RHBDD1: variants seen among roughly 807,000 people sequenced by gnomAD.
RHBDD1 encodes the protein rhomboid-related protein 4.
A neutral mutation model predicts 36.3 loss-of-function variants in RHBDD1; 38 were observed. The ratio of observed to expected loss-of-function variants is 1.05; its 90% CI spans 0.81 to 1.37. The LOEUF is 1.37. RHBDD1 is among the 40% of genes most tolerant of loss of function. RHBDD1 has a pLI of 0.00. For synonymous variants in RHBDD1, 151 were observed against 136.5 expected, an observed-to-expected ratio of 1.11 and a Z score of -0.74; for missense variants, 393 against 377.6, an observed-to-expected ratio of 1.04 and a Z score of -0.34.
intron 8 of RHBDD1, among the ~76,000 whole-genome samples, chr2:226,934,394 T>C (rs1437555720): frequency 6.6e-6 from 1 of 152,096 alleles, no homozygotes; most frequent in African/African-American, 2.4e-5. Context: ...TTTCAGAACA[T>C]ATCCCTGTGG....
intron 3 of RHBDD1, among the ~76,000 whole-genome samples, chr2:226,858,234 A>G (rs1243118160): frequency 1.3e-5 from 2 of 152,224 alleles, no homozygotes; most frequent in Non-Finnish European, 2.9e-5. Flanking sequence ...AATGAAACTT[A>G]CCAAAGGCAT....
intron 8 of RHBDD1, among the ~76,000 whole-genome samples, chr2:226,957,924 G>C (rs1399770006): frequency 6.6e-6 from 1 of 151,930 alleles, no homozygotes; most frequent in East Asian, 1.9e-4. Context: ...AGAGAAATTA[G>C]AACCCTCACC....
At chr2:226,851,921 T>A (rs946067376) in intron 3 of RHBDD1, among the ~76,000 whole-genome samples, 11 of 152,178 alleles carry the variant, frequency 7.2e-5, no homozygotes, top group African/African-American at 2.7e-4. Flanking sequence ...TGCGGTGGTG[T>A]TGGTGGCTTT....
At chr2:226,824,503 T>G in the RHBDD1 span, among the ~76,000 whole-genome samples, 36,821 of 151,984 alleles carry the variant, frequency 0.24, 8,399 homozygotes, top group African/African-American at 0.61. Context: ...GTTAAGTCAG[T>G]TGTGTTACAT....
rs1033287848 is a variant in RHBDD1 at position 226,960,206 on chromosome 2, C to T, written c.857-35225C>T. On this transcript the variant is annotated intron_variant, in intron 8 of 8. Transcript: ENST00000392062. ...TTCTCTCCACCAGTGTTTGAGAGTT[C>T]GAGGTCCTCCCTATCCTCCCCAACA... Among the ~76,000 whole-genome samples the T allele has an allele frequency of 9.2e-5, 14 of 152,180 alleles. No homozygotes were observed. In the East Asian group the frequency reaches 1.2e-3, roughly 13 times the overall value.
intron 3 of RHBDD1, among the ~76,000 whole-genome samples, chr2:226,858,698 C>T (rs1408495932): frequency 2.6e-5 from 4 of 152,060 alleles, no homozygotes; most frequent in Non-Finnish European, 5.9e-5. Context: ...CATTGGTTTC[C>T]CAAGTTATGA....
the RHBDD1 span, among the ~76,000 whole-genome samples, chr2:226,800,814 CAG>C: frequency 6.6e-6 from 1 of 152,192 alleles, no homozygotes; most frequent in Non-Finnish European, 1.5e-5. Flanking sequence ...ACAAGGATAA[CAG>C]GGAGAAAACA....
chr2:226,983,474 G>A (rs973903220), intron 8 of RHBDD1, among the ~76,000 whole-genome samples: 9 of 152,074 alleles, frequency 5.9e-5, no homozygotes, highest in Non-Finnish European at 1.0e-4. Flanking sequence ...CTTTTCCCAG[G>A]CCCAACAGCC....
intron 7 of RHBDD1, among the ~76,000 whole-genome samples, chr2:226,911,000 A>G (rs115412365): frequency 0.021 from 3,221 of 152,282 alleles, 49 homozygotes; most frequent in Middle Eastern, 0.088. Flanking sequence ...ATTTGTTTTT[A>G]TAATATTCAG....
intron 8 of RHBDD1, among the ~76,000 whole-genome samples, chr2:226,953,590 T>G (rs1951576323): frequency 6.6e-6 from 1 of 152,164 alleles, no homozygotes; most frequent in African/African-American, 2.4e-5. Flanking sequence ...CCTTATCACC[T>G]AAGTTTGTTT....
intron 8 of RHBDD1, among the ~76,000 whole-genome samples, chr2:226,926,871 T>A (rs555313472): frequency 6.6e-6 from 1 of 152,348 alleles, no homozygotes; most frequent in South Asian, 2.1e-4. Context: ...TTTACAAGGC[T>A]AAATATTAGT....
chr2:226,807,282 G>T, the RHBDD1 span, among the ~76,000 whole-genome samples: 1 of 152,024 alleles, frequency 6.6e-6, no homozygotes, highest in African/African-American at 2.4e-5. Flanking sequence ...TTGTAAATTT[G>T]TATTTTATTT....
At chr2:226,828,585 T>A in the RHBDD1 span, among the ~76,000 whole-genome samples, 1 of 152,200 alleles carries the variant, frequency 6.6e-6, no homozygotes, top group Non-Finnish European at 1.5e-5. Flanking sequence ...TAATTCCATC[T>A]TTTTTATTAT....
intron 5 of RHBDD1, among the ~76,000 whole-genome samples, chr2:226,886,276 T>C (rs906950983): frequency 1.3e-5 from 2 of 152,172 alleles, no homozygotes; most frequent in Admixed American, 6.5e-5. Flanking sequence ...TCAATAAATA[T>C]TTGTTGAATG....
intron 5 of RHBDD1, among the ~76,000 whole-genome samples, chr2:226,881,657 G>A (rs907691278): frequency 5.9e-5 from 9 of 152,130 alleles, no homozygotes; most frequent in South Asian, 2.1e-4. Context: ...ACACACTGTC[G>A]CTGACTTTCT....
chr2:226,849,228 C>T (rs936338169), intron 3 of RHBDD1, among the ~76,000 whole-genome samples: 2 of 152,210 alleles, frequency 1.3e-5, no homozygotes, highest in Admixed American at 1.3e-4. Flanking sequence ...TAAAGCCAGT[C>T]AGTAGGACCA....
intron 8 of RHBDD1, among the ~76,000 whole-genome samples, chr2:226,967,766 A>G (rs923416513): frequency 2.6e-5 from 4 of 152,050 alleles, no homozygotes; most frequent in African/African-American, 7.2e-5. Flanking sequence ...GGCATTTGCA[A>G]ATGTGTGTGT....
chr2:226,851,627 TAC>T (rs1042025382), intron 3 of RHBDD1, among the ~76,000 whole-genome samples: 2 of 152,114 alleles, frequency 1.3e-5, no homozygotes, highest in African/African-American at 4.8e-5. Flanking sequence ...CGCTCACCAC[TAC>T]CAAGGCCTCA....
chr2:226,939,308 G>C (rs1559293313), intron 8 of RHBDD1, among the ~76,000 whole-genome samples: 1 of 152,092 alleles, frequency 6.6e-6, no homozygotes, highest in Admixed American at 6.6e-5. Context: ...GAAATAAAAG[G>C]TATTTAGGAA....
Sources: allele counts gnomAD v4.1 joint callset (sites outside exome capture counted in the v4.1 genomes callset), GRCh38; gene constraint gnomAD v4.1.1; transcripts MANE v1.5; gene names NCBI Gene and HGNC (gene_info 2026-07-23, HGNC 2026-07-21).